Variants in SDHC observed in about 807,000 individuals in gnomAD.
SDHC encodes the protein succinate dehydrogenase cytochrome b560 subunit, mitochondrial.
A neutral mutation model predicts 22.6 loss-of-function variants in SDHC; 11 were observed. The observed-to-expected ratio is 0.49, with a 90% CI of 0.31 to 0.81. SDHC has a LOEUF of 0.81. Ranked by LOEUF, SDHC falls within the 30% of genes least tolerant of loss-of-function variation. SDHC has a pLI of 0.05. For missense variants in SDHC, 160 were observed against 212.0 expected (o/e 0.75, Z 1.52); for synonymous variants, 80 against 77.8 (o/e 1.03, Z -0.15).
chr1:161,345,488 G>A (rs66888136), intron 4 of SDHC, among the ~76,000 whole-genome samples: 14,409 of 151,998 alleles, frequency 0.095, 978 homozygotes, highest in Non-Finnish European at 0.13. Context: ...ACAGAGTCTC[G>A]CTTTTCTGCC....
intron 3 of SDHC, among the ~76,000 whole-genome samples, chr1:161,336,472 G>A (rs1382723089): frequency 6.6e-6 from 1 of 151,674 alleles, no homozygotes; most frequent in Non-Finnish European, 1.5e-5. Flanking sequence ...AAAAAGTTTT[G>A]GGGAAGAATT....
chr1:161,333,329 C>T (rs1489058639), intron 3 of SDHC, among the ~76,000 whole-genome samples: 1 of 150,978 alleles, frequency 6.6e-6, no homozygotes, highest in Admixed American at 6.6e-5. Context: ...TTTGTGTGCA[C>T]ATATGTTTCA....
At chr1:161,341,662 A>G (rs774949646) in intron 4 of SDHC, among the ~76,000 whole-genome samples, 23 of 152,156 alleles carry the variant, frequency 1.5e-4, no homozygotes, top group African/African-American at 5.1e-4. Flanking sequence ...TGCATGTAAC[A>G]TATTTTTACT....
Position 161,340,635 on chromosome 1 carries a change from C to T in SDHC, c.221C>T (p.Thr74Ile), listed in dbSNP as rs1332910409. The change falls in exon 4 of 6, where the codon ACT (threonine) becomes ATT (isoleucine). Residue 74 changes from threonine (T) to isoleucine (I), a missense_variant. Transcript: ENST00000367975. ...PMAMSICHRG[T>I]GIALSAGVSL... ...GCGATGTCCATCTGCCACCGTGGCACTGGTATTGCTTTGAGTGCAGGTATG... is the reference window on the plus strand; with the variant it reads ...GCGATGTCCATCTGCCACCGTGGCATTGGTATTGCTTTGAGTGCAGGTATG... 9.3e-6 allele frequency: 15 copies of T among 1,613,736 alleles called. No individual in the cohort carries two copies. The highest frequency in any genetic ancestry group is 1.2e-5 in the Non-Finnish European group (14 of 1,179,802).
chr1:161,323,624 C>T lies in SDHC; in HGVS notation c.31C>T (p.Arg11Cys), dbSNP rs759914119. 3.7e-6 allele frequency: 6 copies of T among 1,613,212 alleles called. No individual in the cohort carries two copies. Among genetic ancestry groups the T allele is most frequent in the Middle Eastern group, 1.6e-4 (1 of 6,076 alleles). Residue 11 changes from arginine to cysteine, a missense_variant, in exon 2 of 6, where the codon CGT (arginine) becomes TGT (cysteine). Arg to Cys is a radical substitution (Grantham distance 180). Around this residue, in one of 2 missense-constraint regions of SDHC, gnomAD observed 86 missense variants for 83.4 expected, o/e 1.03. Transcript: ENST00000367975. ...TCTCTTATCTTGCAGACACGTTGGT[C>T]GTCATTGCCTCCGAGCCCACTTTAG... MAALLLRHVGRHCLRAHFSPQ... is the reference protein window; with the variant it reads MAALLLRHVGCHCLRAHFSPQ...
chr1:161,325,936 A>T (rs768579888), intron 2 of SDHC, among the ~76,000 whole-genome samples: 9 of 152,230 alleles, frequency 5.9e-5, no homozygotes, highest in Admixed American at 3.9e-4. Context: ...CACGGTAGCC[A>T]TGCCTGTAAT....
chr1:161,348,263 A>G (rs574242229), intron 4 of SDHC, among the ~76,000 whole-genome samples: 4 of 151,732 alleles, frequency 2.6e-5, no homozygotes, highest in Non-Finnish European at 2.9e-5. Context: ...GGTTCAAGCA[A>G]TTCTCCTGCT....
At chr1:161,349,941 G>A (rs192394105) in intron 4 of SDHC, among the ~76,000 whole-genome samples, 7 of 151,806 alleles carry the variant, frequency 4.6e-5, no homozygotes, top group Middle Eastern at 3.4e-3. Context: ...ACCAAGTTTC[G>A]CTCTTGTCTC....
At chr1:161,332,636 C>CT (rs36047860) in intron 3 of SDHC, among the ~76,000 whole-genome samples, 17,370 of 137,224 alleles carry the variant, frequency 0.13, 1,206 homozygotes, top group Middle Eastern at 0.15. Flanking sequence ...CTTTTTCTTT[C>CT]TTTTTTTTTT....
At chr1:161,320,304 A>G (rs1391171939) in intron 1 of SDHC, among the ~76,000 whole-genome samples, 8 of 152,050 alleles carry the variant, frequency 5.3e-5, no homozygotes, top group Admixed American at 5.2e-4. Context: ...ATTAACCAGA[A>G]CTTTTGTATA....
chr1:161,317,581 A>C (rs1351763862), intron 1 of SDHC, among the ~76,000 whole-genome samples: 1 of 53,930 alleles, frequency 1.9e-5, no homozygotes, highest in African/African-American at 7.5e-5. Flanking sequence ...TTTTTTTTTG[A>C]GACAGAGTCT....
At chr1:161,348,666 CAA>C (rs1159653901) in intron 4 of SDHC, among the ~76,000 whole-genome samples, 58 of 70,932 alleles carry the variant, frequency 8.2e-4, no homozygotes, top group African/African-American at 1.7e-3. Flanking sequence ...ACTAAAAATC[CAA>C]AAAAAAAAAA....
intron 4 of SDHC, among the ~76,000 whole-genome samples, chr1:161,346,702 T>C (rs1324333325): frequency 6.6e-6 from 1 of 152,026 alleles, no homozygotes; most frequent in East Asian, 1.9e-4. Context: ...CCGGCCATGA[T>C]AGCTTTTTAA....
At chr1:161,348,196 G>C (rs991903920) in intron 4 of SDHC, among the ~76,000 whole-genome samples, 1 of 151,520 alleles carries the variant, frequency 6.6e-6, no homozygotes, top group East Asian at 2.0e-4. Flanking sequence ...TTGCCCTGTC[G>C]CCCAGGCTGG....
intron 5 of SDHC, among the ~76,000 whole-genome samples, chr1:161,362,066 G>A (rs1370841929): frequency 1.3e-5 from 2 of 152,006 alleles, no homozygotes; most frequent in African/African-American, 4.8e-5. Flanking sequence ...ACCGTATGGG[G>A]CCTGTGGCAT....
chr1:161,354,910 A>G (rs1393524172), intron 4 of SDHC, among the ~76,000 whole-genome samples: 1 of 151,926 alleles, frequency 6.6e-6, no homozygotes, highest in Non-Finnish European at 1.5e-5. Flanking sequence ...GGGTTTCACC[A>G]TGTTGCCCAG....
Position 161,362,921 on chromosome 1 carries a change from T to A in SDHC, c.*488T>A. ...GCCCAGGCCATTAACACCTACACAG[T>A]GTTATTGAAAGAAGAGAGGTGGGGG... On this transcript the variant is annotated 3_prime_UTR_variant, in exon 6 of 6. Coordinates refer to ENST00000367975, the MANE Select transcript of SDHC (RefSeq NM_003001.5). The A allele has an allele frequency of 2.8e-6, 1 of 352,830 alleles. No homozygotes were observed. Among genetic ancestry groups the A allele is most frequent in the Non-Finnish European group, 5.3e-6 (1 of 189,518 alleles). The allele number at this position is 352,830 out of a possible 1,614,324, so 21.9% of individuals were successfully genotyped here.
rs769614748 is a variant in SDHC at position 161,356,664 on chromosome 1, GT to G, written c.242-9del. The G allele has an allele frequency of 7.4e-6, 12 of 1,613,652 alleles. No homozygotes were observed. The highest frequency in any genetic ancestry group is 9.3e-6 in the Non-Finnish European group (11 of 1,179,838). ...ATGAGCAGCTGTGACAAGCTACTTG[GT>G]TTTCTCCTCAGGGGTCTCTCTTTTT... On this transcript the variant is annotated splice_polypyrimidine_tract_variant and intron_variant, in intron 4 of 5. Transcript: ENST00000367975.
intron 1 of SDHC, among the ~76,000 whole-genome samples, chr1:161,315,108 TC>T (rs1348866983): frequency 6.6e-6 from 1 of 152,334 alleles, no homozygotes; most frequent in African/African-American, 2.4e-5. Flanking sequence ...TTCTGAACTT[TC>T]CGCTGTCTAG....
Sources: allele counts gnomAD v4.1 joint callset (sites outside exome capture counted in the v4.1 genomes callset), GRCh38; gene constraint gnomAD v4.1.1; regional missense constraint gnomAD v4.1.1; transcripts MANE v1.5; gene names NCBI Gene and HGNC (gene_info 2026-07-23, HGNC 2026-07-21).